The following SFXN5 variants were observed in gnomAD, a reference collection of about 807,000 sequenced individuals.
The protein encoded by SFXN5 is sideroflexin 5.
In SFXN5, 43 loss-of-function variants were observed where a neutral mutation model predicts 50.2. The ratio of observed to expected loss-of-function variants is 0.86; its 90% CI spans 0.67 to 1.11. SFXN5 has a LOEUF of 1.11. SFXN5 is among the 50% of genes least tolerant of loss of function. The pLI is 0.00. For missense variants in SFXN5, 463 were observed against 454.1 expected, an observed-to-expected ratio of 1.02 and a Z score of -0.18; for synonymous variants, 203 against 185.8, an observed-to-expected ratio of 1.09 and a Z score of -0.75.
At chr2:73,048,101 CTATA>C (rs1364347107) in intron 2 of SFXN5, among the ~76,000 whole-genome samples, 1 of 152,140 alleles carries the variant, frequency 6.6e-6, no homozygotes, top group Non-Finnish European at 1.5e-5. Context: ...ATATCCATTG[CTATA>C]TAACCATGTA....
At chr2:72,958,213 G>A (rs1259036071) in intron 13 of SFXN5, among the ~76,000 whole-genome samples, 2 of 152,170 alleles carry the variant, frequency 1.3e-5, no homozygotes, top group Non-Finnish European at 2.9e-5. Context: ...ACCCACCACA[G>A]TGCAGCCCCC....
At chr2:73,070,463 A>T (rs141664117) in intron 1 of SFXN5, 18 of 151,876 alleles carry the variant, frequency 1.2e-4, no homozygotes, top group Admixed American at 2.6e-4. Flanking sequence ...CACCGACCTT[A>T]GCACAATTTC....
chr2:73,067,753 G>A (rs1465652185), intron 1 of SFXN5, among the ~76,000 whole-genome samples: 1 of 152,152 alleles, frequency 6.6e-6, no homozygotes, highest in East Asian at 1.9e-4. Context: ...TGGATGATGG[G>A]TGCATAGGGG....
chr2:73,059,866 G>C lies in SFXN5; in HGVS notation c.103-1270C>G, dbSNP rs1044748552. 5 of 960,046 alleles carry C rather than the reference G, an allele frequency of 5.2e-6. No individual in the cohort carries two copies. In the African/African-American group the frequency reaches 9.5e-5, roughly 18 times the overall value. 59.5% of individuals were successfully genotyped at this position (960,046 alleles called of 1,614,324 possible). On this transcript the variant is annotated intron_variant, in intron 1 of 13. Coordinates refer to ENST00000272433, the MANE Select transcript of SFXN5 (RefSeq NM_144579.3). ...AAGGAAACAATCCAAGATGTTCAAA[G>C]ATCTGGTCAGGTGTACATACCAAGG...
chr2:73,048,792 C>T (rs139676794), intron 2 of SFXN5, among the ~76,000 whole-genome samples: 3 of 152,196 alleles, frequency 2.0e-5, no homozygotes, highest in African/African-American at 4.8e-5. Context: ...CTGTACTTCT[C>T]TTAATTCCTT....
At chr2:73,019,317 CTCTGAATCTTTA>C (rs1301665258) in intron 6 of SFXN5, 2 of 151,718 alleles carry the variant, frequency 1.3e-5, no homozygotes, top group Admixed American at 6.6e-5. Flanking sequence ...GCTAATGATG[CTCTGAATCTTTA>C]TCTAAGTGAG....
At chr2:73,017,451 A>C (rs1042623861) in intron 6 of SFXN5, among the ~76,000 whole-genome samples, 1 of 152,242 alleles carries the variant, frequency 6.6e-6, no homozygotes, top group South Asian at 2.1e-4. Context: ...TAAACACATA[A>C]GAAAAAAATT....
chr2:72,984,009 G>T (rs6760425), intron 10 of SFXN5, among the ~76,000 whole-genome samples: 2 of 152,212 alleles, frequency 1.3e-5, no homozygotes, highest in Admixed American at 6.5e-5. Flanking sequence ...GTCAATTAAC[G>T]GAGGGCCCGC....
chr2:73,060,337 A>G (rs1682656785), intron 1 of SFXN5, among the ~76,000 whole-genome samples: 1 of 152,246 alleles, frequency 6.6e-6, no homozygotes, highest in African/African-American at 2.4e-5. Context: ...CGAGAAGTCC[A>G]CAGCATCACT....
chr2:73,017,542 T>G (rs1433464655), intron 6 of SFXN5, among the ~76,000 whole-genome samples: 1 of 152,180 alleles, frequency 6.6e-6, no homozygotes, highest in Admixed American at 6.5e-5. Context: ...TTCAAAGAAA[T>G]CTTGGGCTTT....
At chr2:72,949,309 C>T (rs141587764) in intron 13 of SFXN5, among the ~76,000 whole-genome samples, 365 of 152,114 alleles carry the variant, frequency 2.4e-3, no homozygotes, top group African/African-American at 8.0e-3. Flanking sequence ...CAGGAGTGGA[C>T]CATAACCCAG....
At chr2:73,015,104 C>A (rs1675982573) in intron 6 of SFXN5, among the ~76,000 whole-genome samples, 1 of 152,182 alleles carries the variant, frequency 6.6e-6, no homozygotes, top group South Asian at 2.1e-4. Flanking sequence ...TTTTTATAGA[C>A]ACTATCAAGT....
chr2:73,059,134 G>T (rs1166900236), intron 1 of SFXN5: 33 of 987,740 alleles, frequency 3.3e-5, no homozygotes, highest in Non-Finnish European at 3.8e-5. Context: ...TGTAGCTGCT[G>T]AAGTGCAGGA....
chr2:73,006,866 C>T (rs921450941), intron 6 of SFXN5, among the ~76,000 whole-genome samples: 1 of 152,242 alleles, frequency 6.6e-6, no homozygotes, highest in African/African-American at 2.4e-5. Context: ...GGGCCATCAG[C>T]CCATCTCTAG....
At chr2:73,063,426 T>G (rs1266384541) in intron 1 of SFXN5, among the ~76,000 whole-genome samples, 3 of 151,882 alleles carry the variant, frequency 2.0e-5, no homozygotes, top group South Asian at 2.1e-4. Flanking sequence ...GAAGATAGAG[T>G]AAAATGTAAA....
At chr2:73,053,222 G>C (rs1681631015) in intron 2 of SFXN5, 1 of 153,658 alleles carries the variant, frequency 6.5e-6, no homozygotes, top group African/African-American at 2.4e-5. Flanking sequence ...CTCTTGCAGA[G>C]ATTTCACAAA....
intron 1 of SFXN5, chr2:73,070,520 C>T (rs1447004577): frequency 6.6e-6 from 1 of 152,394 alleles, no homozygotes; most frequent in Non-Finnish European, 1.5e-5. Flanking sequence ...CTGCCGCCCA[C>T]CCCTGGCAAG....
chr2:73,055,238 G>A (rs763020464), intron 2 of SFXN5, among the ~76,000 whole-genome samples: 1 of 152,212 alleles, frequency 6.6e-6, no homozygotes, highest in Non-Finnish European at 1.5e-5. Context: ...GTGTAATCTC[G>A]GGCAAGTTCC....
chr2:72,970,888 A>G (rs1381327620), intron 11 of SFXN5, among the ~76,000 whole-genome samples: 2 of 151,944 alleles, frequency 1.3e-5, no homozygotes, highest in Admixed American at 6.6e-5. Context: ...GGGTTTTGCC[A>G]TGTTGGCCAG....
Sources: gnomAD v4.1 joint callset for allele counts (sites outside exome capture counted in the v4.1 genomes callset) on GRCh38, gnomAD v4.1.1 for gene constraint, MANE v1.5 for transcripts, NCBI Gene and HGNC (gene_info 2026-07-23, HGNC 2026-07-21) for gene names.